Variants in RYR2 observed in about 807,000 individuals in gnomAD.
RYR2 encodes ryanodine receptor 2.
RYR2 carries 227 observed loss-of-function variants against 601.1 expected under a neutral mutation model. That is an observed-to-expected ratio of 0.38 (90% CI 0.34 to 0.42). The LOEUF (loss-of-function observed/expected upper bound fraction) is 0.42. RYR2 is among the 10% of genes least tolerant of loss of function. RYR2 has a pLI of 1.00. For synonymous variants in RYR2, 2,223 were observed against 2,175.1 expected (o/e 1.02, Z -0.61); for missense variants, 4,646 against 6,156.5 (o/e 0.75, Z 8.21).
At chr1:237,195,284 G>A (rs983042646) in intron 1 of RYR2, among the ~76,000 whole-genome samples, 1 of 152,036 alleles carries the variant, frequency 6.6e-6, no homozygotes, top group South Asian at 2.1e-4. Flanking sequence ...ATAACCAGTC[G>A]CTCGTGTTGC....
At chr1:237,105,403 A>C (rs1416303912) in intron 1 of RYR2, among the ~76,000 whole-genome samples, 1 of 152,180 alleles carries the variant, frequency 6.6e-6, no homozygotes, top group East Asian at 1.9e-4. Flanking sequence ...GTGATTTTAA[A>C]TGTAGTTATC....
chr1:237,411,409 G>A (rs575178419), intron 10 of RYR2, among the ~76,000 whole-genome samples: 26 of 152,238 alleles, frequency 1.7e-4, no homozygotes, highest in African/African-American at 4.1e-4. Flanking sequence ...TGTCCCGAGC[G>A]ATTTTATAAT....
At chr1:237,111,899 G>A (rs1366730856) in intron 1 of RYR2, among the ~76,000 whole-genome samples, 1 of 152,144 alleles carries the variant, frequency 6.6e-6, no homozygotes, top group African/African-American at 2.4e-5. Context: ...AGGACAAAAT[G>A]TAATTTACTC....
At chr1:237,716,881 C>T (rs576277022) in intron 71 of RYR2, among the ~76,000 whole-genome samples, 1 of 152,038 alleles carries the variant, frequency 6.6e-6, no homozygotes, top group East Asian at 1.9e-4. Flanking sequence ...AGAAAGCACA[C>T]AATATCTGAA....
intron 2 of RYR2, among the ~76,000 whole-genome samples, chr1:237,320,169 C>G (rs563899086): frequency 2.6e-5 from 4 of 152,210 alleles, no homozygotes; most frequent in South Asian, 2.1e-4. Context: ...TTATTTTTGT[C>G]AATTTTATCC....
chr1:237,624,315 G>A (rs978891097), intron 39 of RYR2, among the ~76,000 whole-genome samples: 33 of 152,242 alleles, frequency 2.2e-4, no homozygotes, highest in African/African-American at 7.2e-4. Flanking sequence ...TCTGTTAAGA[G>A]GGTAGATGTC....
intron 24 of RYR2, among the ~76,000 whole-genome samples, chr1:237,519,601 A>G (rs115301910): frequency 0.043 from 6,586 of 152,032 alleles, 200 homozygotes; most frequent in Non-Finnish European, 0.062. Flanking sequence ...GTAAGTATGT[A>G]GCTTTATTTC....
At chr1:237,595,118 A>C (rs1413650362) in intron 33 of RYR2, among the ~76,000 whole-genome samples, 1 of 142,366 alleles carries the variant, frequency 7.0e-6, no homozygotes, top group African/African-American at 2.5e-5. Flanking sequence ...CAAAACAAAA[A>C]AAAGCTAAAA....
intron 1 of RYR2, among the ~76,000 whole-genome samples, chr1:237,058,822 T>TA (rs1662495516): frequency 6.6e-6 from 1 of 151,800 alleles, no homozygotes; most frequent in Non-Finnish European, 1.5e-5. Context: ...GGCGGGGTGT[T>TA]CAGTAACAAT....
intron 10 of RYR2, among the ~76,000 whole-genome samples, chr1:237,407,678 A>G (rs900149981): frequency 6.1e-5 from 9 of 148,244 alleles, no homozygotes; most frequent in African/African-American, 2.3e-4. Context: ...GTGCAGTGGC[A>G]TGATCTCGGC....
intron 35 of RYR2, among the ~76,000 whole-genome samples, chr1:237,604,517 G>C (rs1238474746): frequency 6.6e-6 from 1 of 152,104 alleles, no homozygotes; most frequent in African/African-American, 2.4e-5. Context: ...AAGAACTAGA[G>C]AAGCAAGAGC....
intron 25 of RYR2, among the ~76,000 whole-genome samples, chr1:237,545,779 G>A (rs1329560401): frequency 1.3e-5 from 2 of 151,874 alleles, no homozygotes; most frequent in Middle Eastern, 3.4e-3. Flanking sequence ...TACTTTCCAG[G>A]CCAGGAGTGG....
chr1:237,149,331 C>T (rs568785995), intron 1 of RYR2, among the ~76,000 whole-genome samples: 1 of 120,058 alleles, frequency 8.3e-6, no homozygotes, highest in Non-Finnish European at 2.0e-5. Context: ...AAACAAAAAA[C>T]CAAAAACAAA....
intron 1 of RYR2, among the ~76,000 whole-genome samples, chr1:237,067,526 G>A (rs569850614): frequency 6.6e-6 from 1 of 152,270 alleles, no homozygotes; most frequent in East Asian, 1.9e-4. Flanking sequence ...ATACAGTGTT[G>A]ATTACTGTAG....
In RYR2 at chr1:237,715,327, C is replaced by T. The variant is rs116735330; in HGVS notation, c.10324-1871C>T. Among the ~76,000 whole-genome samples, 965 of 152,236 alleles carry T rather than the reference C, an allele frequency of 6.3e-3. 12 individuals carry two copies. Among genetic ancestry groups the T allele is most frequent in the African/African-American group, 0.022 (914 of 41,534 alleles). On this transcript the variant is annotated intron_variant, in intron 71 of 104. Transcript: ENST00000366574. ...ACTAAACAAATGAACAAAAAATACC[C>T]AATATGTGCGTACAGGAGGATATTT... is the stretch of plus-strand genomic sequence containing the variant.
At chr1:237,264,684 TTTA>T (rs1391225291) in intron 1 of RYR2, among the ~76,000 whole-genome samples, 3 of 144,732 alleles carry the variant, frequency 2.1e-5, no homozygotes, top group Non-Finnish European at 1.5e-5. Context: ...CAGTTTATTT[TTTA>T]TTATTATTAT....
At chr1:237,186,054 C>T (rs548105600) in intron 1 of RYR2, among the ~76,000 whole-genome samples, 1 of 152,202 alleles carries the variant, frequency 6.6e-6, no homozygotes, top group Non-Finnish European at 1.5e-5. Flanking sequence ...CCTGCAGGCT[C>T]TCATGGGTCT....
chr1:237,297,283 C>T (rs897543520), intron 2 of RYR2, among the ~76,000 whole-genome samples: 9 of 152,084 alleles, frequency 5.9e-5, no homozygotes, highest in Non-Finnish European at 1.3e-4. Context: ...TTGAGCTGAT[C>T]CATGAATTTA....
At chr1:237,247,483 C>T (rs757875811) in intron 1 of RYR2, among the ~76,000 whole-genome samples, 15 of 152,160 alleles carry the variant, frequency 9.9e-5, no homozygotes, top group Admixed American at 2.0e-4. Flanking sequence ...AAAGTTGAGC[C>T]CACTCAGATG....
Sources: allele counts gnomAD v4.1 joint callset (sites outside exome capture counted in the v4.1 genomes callset), GRCh38; gene constraint gnomAD v4.1.1; transcripts MANE v1.5; gene names NCBI Gene and HGNC (gene_info 2026-07-23, HGNC 2026-07-21).